Variants in CHRNB3 observed in about 807,000 individuals in gnomAD.
CHRNB3 encodes the protein cholinergic receptor nicotinic beta 3 subunit, also known as neuronal acetylcholine receptor subunit beta-3.
A neutral mutation model predicts 40.6 loss-of-function variants in CHRNB3; 37 were observed. The ratio of observed to expected loss-of-function variants is 0.91; its 90% CI spans 0.70 to 1.20. The LOEUF (loss-of-function observed/expected upper bound fraction) is 1.20, where lower values mean the gene tolerates loss of function less well. Ranked by LOEUF, CHRNB3 falls within the 50% of genes most tolerant of loss-of-function variation. The probability of loss-of-function intolerance (pLI) is 0.00; values close to 1 mark genes in which losing one functional copy is unlikely to be tolerated. For synonymous variants in CHRNB3, 207 were observed against 207.1 expected, an observed-to-expected ratio of 1.00 and a Z score of 0.00; for missense variants, 505 against 551.2, an observed-to-expected ratio of 0.92 and a Z score of 0.84.
chr8:42,708,118 T>C (rs1204531147), intron 1 of CHRNB3, among the ~76,000 whole-genome samples: 1 of 152,174 alleles, frequency 6.6e-6, no homozygotes, highest in Non-Finnish European at 1.5e-5. Context: ...TTTTGGGACC[T>C]GGGTGTTGAC....
At chr8:42,712,531 C>A (rs2128905915) in intron 3 of CHRNB3, among the ~76,000 whole-genome samples, 1 of 152,190 alleles carries the variant, frequency 6.6e-6, no homozygotes, top group South Asian at 2.1e-4. Context: ...TAGAAACGGT[C>A]TGAATATTGT....
intron 3 of CHRNB3, among the ~76,000 whole-genome samples, chr8:42,714,648 A>T (rs1816071471): frequency 6.6e-6 from 1 of 152,184 alleles, no homozygotes; most frequent in Non-Finnish European, 1.5e-5. Flanking sequence ...AGCAGCTAAT[A>T]ATAATATTTA....
At chr8:42,698,774 TTTA>T (rs1417720165) in intron 1 of CHRNB3, among the ~76,000 whole-genome samples, 1 of 152,364 alleles carries the variant, frequency 6.6e-6, no homozygotes, top group South Asian at 2.1e-4. Flanking sequence ...TTTTTCTGTC[TTTA>T]TTATTCTATT....
intron 3 of CHRNB3, among the ~76,000 whole-genome samples, chr8:42,724,992 A>G (rs926161160): frequency 2.0e-5 from 3 of 152,084 alleles, no homozygotes; most frequent in Non-Finnish European, 2.9e-5. Flanking sequence ...TCAAAAAACA[A>G]AAAAAGAAAA....
rs746642865 is a variant in CHRNB3, at chr8:42,731,776, G to T, written c.469G>T (p.Val157Phe). ...ASYKSSCTMD[V>F]TFFPFDRQNC... Reference sequence around the variant, plus strand: ...CTACAAAAGCTCCTGCACCATGGACGTCACGTTTTTCCCGTTCGACCGACA... The same window carrying T: ...CTACAAAAGCTCCTGCACCATGGACTTCACGTTTTTCCCGTTCGACCGACA... The change falls in exon 5 of 6, where the codon GTC becomes TTC. Residue 157 changes from valine (V) to phenylalanine (F), a missense_variant. Physicochemically the swap from Val to Phe is conservative, Grantham distance 50. Coordinates refer to ENST00000289957, the MANE Select transcript of CHRNB3 (RefSeq NM_000749.5). 4.2e-5 allele frequency: 68 copies of T among 1,614,026 alleles called. No homozygotes were observed. The highest frequency in any genetic ancestry group is 5.8e-5 in the Non-Finnish European group (68 of 1,180,012).
chr8:42,720,195 C>T lies in CHRNB3; in HGVS notation c.249+9761C>T, dbSNP rs541407236. On this transcript the variant is annotated intron_variant, in intron 3 of 5. Transcript: ENST00000289957. ...AGGCTGGAGTGCAGCGGCACGATCT[C>T]GGCTCCGCCTCCCAGGTTCAAGAGA... 8.2e-5 allele frequency among the ~76,000 whole-genome samples: 11 copies of T among 134,206 alleles called. No individual in the cohort carries two copies. The South Asian group carries it at 2.7e-3, about 33-fold the overall frequency. 88.0% of individuals were successfully genotyped at this position (134,206 alleles called of 152,430 possible).
chr8:42,701,608 T>A (rs1282442138), intron 1 of CHRNB3, among the ~76,000 whole-genome samples: 1 of 152,178 alleles, frequency 6.6e-6, no homozygotes, highest in African/African-American at 2.4e-5. Flanking sequence ...AAAATTTCTT[T>A]GTCTTAAAGT....
At position 42,736,676 on chromosome 8, in the gene CHRNB3, A is replaced by C; in HGVS notation, c.*58A>C. 1 of 1,598,484 alleles carries C rather than the reference A, an allele frequency of 6.3e-7. No homozygotes were observed. The highest frequency in any genetic ancestry group is 1.3e-5 in the African/African-American group (1 of 74,530). ...TAGACCTGACATCTGGCTATCACAC[A>C]GACAGAATCCAAATGCATGTGCTTG... On this transcript the variant is annotated 3_prime_UTR_variant, in exon 6 of 6. Coordinates refer to ENST00000289957, the MANE Select transcript of CHRNB3 (RefSeq NM_000749.5).
chr8:42,699,142 TTC>T (rs1381485541), intron 1 of CHRNB3, among the ~76,000 whole-genome samples: 1 of 152,264 alleles, frequency 6.6e-6, no homozygotes, highest in Non-Finnish European at 1.5e-5. Flanking sequence ...ACAAAATAGT[TTC>T]TTTTTGTTAT....
At chr8:42,711,310 A>AAAAT (rs1198504238) in intron 3 of CHRNB3, among the ~76,000 whole-genome samples, 3 of 152,016 alleles carry the variant, frequency 2.0e-5, no homozygotes, top group Non-Finnish European at 2.9e-5. Context: ...AGCCTGTGTC[A>AAAAT]AAATAAATAA....
intron 5 of CHRNB3, among the ~76,000 whole-genome samples, chr8:42,732,929 T>A (rs1010494007): frequency 5.3e-5 from 8 of 152,150 alleles, no homozygotes; most frequent in Admixed American, 6.6e-5. Context: ...TATTTAGAAA[T>A]AAAAGATCAG....
At chr8:42,729,203 C>T (rs28451150) in intron 3 of CHRNB3, among the ~76,000 whole-genome samples, 53 of 151,972 alleles carry the variant, frequency 3.5e-4, no homozygotes, top group African/African-American at 1.3e-3. Flanking sequence ...GTCAGGAGAT[C>T]GAGAGCATCC....
At chr8:42,713,527 G>C (rs1264306618) in intron 3 of CHRNB3, among the ~76,000 whole-genome samples, 1 of 152,064 alleles carries the variant, frequency 6.6e-6, no homozygotes, top group Non-Finnish European at 1.5e-5. Flanking sequence ...GAGAATAATC[G>C]ACTTTTTTGG....
chr8:42,735,276 G>A (rs373296162), intron 5 of CHRNB3, among the ~76,000 whole-genome samples: 4 of 152,100 alleles, frequency 2.6e-5, no homozygotes, highest in East Asian at 3.9e-4. Context: ...GGTGGCTCAC[G>A]CCTGTAATCC....
At chr8:42,708,472 A>ATAC (rs1554589834) in intron 1 of CHRNB3, among the ~76,000 whole-genome samples, 5 of 51,792 alleles carry the variant, frequency 9.7e-5, no homozygotes, top group African/African-American at 2.0e-4. Flanking sequence ...TCTCAAAAAA[A>ATAC]ATACACACAC....
chr8:42,721,580 T>C (rs1446286157), intron 3 of CHRNB3, among the ~76,000 whole-genome samples: 1 of 151,838 alleles, frequency 6.6e-6, no homozygotes, highest in Non-Finnish European at 1.5e-5. Flanking sequence ...AATAATTAGC[T>C]GGGCATGGTG....
At position 42,736,833 on chromosome 8, in the gene CHRNB3, C is replaced by T. The variant is rs745845786; in HGVS notation, c.*215C>T. On this transcript the variant is annotated 3_prime_UTR_variant, in exon 6 of 6. Coordinates refer to ENST00000289957, the MANE Select transcript of CHRNB3 (RefSeq NM_000749.5). ...TTAAAGAAAGTGGAGCCTCCTCAGA[C>T]CCCTGCCTTGGCTTTCCCAGACATT... 1 of 601,678 alleles carries T rather than the reference C, an allele frequency of 1.7e-6. No individual in the cohort carries two copies. Among genetic ancestry groups the T allele is most frequent in the East Asian group, 2.9e-5 (1 of 34,570 alleles). The allele number at this position is 601,678 out of a possible 1,614,324, so 37.3% of individuals were successfully genotyped here. A position where few individuals can be genotyped will look rare whatever the true frequency, so the allele number is the denominator to read the frequency against.
chr8:42,702,834 T>C (rs747933056), intron 1 of CHRNB3, among the ~76,000 whole-genome samples: 2 of 152,134 alleles, frequency 1.3e-5, no homozygotes, highest in Non-Finnish European at 2.9e-5. Flanking sequence ...TTCTGGAAAA[T>C]ACAATGCTAA....
Position 42,733,626 on chromosome 8 carries a change from G to GCTGT in CHRNB3, c.1242+1079_1242+1082dup, listed in dbSNP as rs1266163690. Among the ~76,000 whole-genome samples the GCTGT allele has an allele frequency of 4.1e-5, 4 of 97,958 alleles. No homozygotes were observed. In the Admixed American group the frequency reaches 5.0e-4, roughly 12 times the overall value. 64.3% of individuals were successfully genotyped at this position (97,958 alleles called of 152,430 possible). ...TTTTTTTTTTTTTGAGAGGAGTCTT[G>GCTGT]CTGTCACCCAGGTTGGAGTGCGGTG... On this transcript the variant is annotated intron_variant, in intron 5 of 5. Coordinates refer to ENST00000289957, the MANE Select transcript of CHRNB3 (RefSeq NM_000749.5).
Sources: allele counts gnomAD v4.1 joint callset (sites outside exome capture counted in the v4.1 genomes callset), GRCh38; gene constraint gnomAD v4.1.1; transcripts MANE v1.5; gene names NCBI Gene and HGNC (gene_info 2026-07-23, HGNC 2026-07-21).